The following ABLIM2 variants were observed in gnomAD, a reference collection of about 807,000 sequenced individuals.
The protein encoded by ABLIM2 is actin binding LIM protein family member 2, also known as actin-binding LIM protein 2.
ABLIM2 carries 53 observed loss-of-function variants against 97.7 expected under a neutral mutation model. The ratio of observed to expected loss-of-function variants is 0.54; its 90% CI spans 0.44 to 0.68. ABLIM2 has a LOEUF of 0.68. Ranked by LOEUF, ABLIM2 falls within the 30% of genes least tolerant of loss-of-function variation. ABLIM2 has a pLI of 0.00. For synonymous variants in ABLIM2, 361 were observed against 345.8 expected, an observed-to-expected ratio of 1.04 and a Z score of -0.49; for missense variants, 835 against 867.2, an observed-to-expected ratio of 0.96 and a Z score of 0.47.
chr4:8,045,851 T>C (rs1164044031), intron 8 of ABLIM2, among the ~76,000 whole-genome samples: 2 of 152,106 alleles, frequency 1.3e-5, no homozygotes, highest in East Asian at 1.9e-4. Context: ...ACCGGGATTA[T>C]GGGGACTCGC....
chr4:8,032,620 C>T lies in ABLIM2; in HGVS notation c.1048-2844G>A, dbSNP rs372674990. 1.4e-5 allele frequency: 23 copies of T among 1,612,016 alleles called. No individual in the cohort carries two copies. Among genetic ancestry groups the T allele is most frequent in the African/African-American group, 4.0e-5 (3 of 74,850 alleles). ...ACCCAGGCAGCAGCGCCACGGCAAG[C>T]GGGGACAGGCGAGAGGGTGGTGGTT... On this transcript the variant is annotated intron_variant, in intron 10 of 20. Transcript: ENST00000447017. The surrounding 1 kb of genome is among the most constrained non-coding windows in gnomAD (Gnocchi z 4.3).
Position 8,083,534 on chromosome 4 carries a change from G to A in ABLIM2, c.455-2732C>T, listed in dbSNP as rs551583987. 6.6e-6 allele frequency among the ~76,000 whole-genome samples: 1 copy of A among 152,194 alleles called. No homozygotes were observed. The highest frequency in any genetic ancestry group is 1.5e-5 in the Non-Finnish European group (1 of 68,024). On this transcript the variant is annotated intron_variant, in intron 4 of 20. Transcript: ENST00000447017. The surrounding 1 kb of genome is among the most constrained non-coding windows in gnomAD (Gnocchi z 4.6). Reference sequence around the variant, plus strand: ...GAGCTCCAAACTGCAGAGGGGATGTGAACCTCACACCTGCCTCGGCCCCCT... The same window carrying A: ...GAGCTCCAAACTGCAGAGGGGATGTAAACCTCACACCTGCCTCGGCCCCCT...
Position 8,005,334 on chromosome 4 carries a change from T to C in ABLIM2, c.1618+2725A>G. The C allele has an allele frequency of 1.9e-6, 1 of 533,378 alleles. No homozygotes were observed. Among genetic ancestry groups the C allele is most frequent in the Non-Finnish European group, 3.8e-6 (1 of 260,034 alleles). 33.0% of individuals were successfully genotyped at this position (533,378 alleles called of 1,614,324 possible). ...GGGTGCTCAATAAATACCCGTTGAATGTAACGCATTTCAATTCAACAGACA... is the reference window on the plus strand; with the variant it reads ...GGGTGCTCAATAAATACCCGTTGAACGTAACGCATTTCAATTCAACAGACA... On this transcript the variant is annotated intron_variant, in intron 16 of 20. Transcript: ENST00000447017. This position sits in a 1 kb window ranked among gnomAD's most constrained non-coding sequence, Gnocchi z 4.9.
At chr4:8,012,529 T>TCCAC (rs1201765511) in intron 14 of ABLIM2, among the ~76,000 whole-genome samples, 30 of 132,848 alleles carry the variant, frequency 2.3e-4, no homozygotes, top group Non-Finnish European at 4.4e-4. Context: ...CATCCACCCA[T>TCCAC]CTATTAATCC....
At chr4:7,968,860 G>T (rs190144732) in intron 20 of ABLIM2, among the ~76,000 whole-genome samples, 2 of 152,322 alleles carry the variant, frequency 1.3e-5, no homozygotes, top group East Asian at 1.9e-4. Context: ...GTTAAAATGG[G>T]CCGGGGGTGG....
In ABLIM2 at chr4:7,967,115, A is replaced by T; in HGVS notation, c.1825-12T>A. 1 of 1,610,566 alleles carries T rather than the reference A, an allele frequency of 6.2e-7. No individual in the cohort carries two copies. The stretch of plus-strand genomic sequence containing the variant: ...GGCGACAAGTGTCTCTTCAAACAAA[A>T]AGGCAAAACAGAAGGGACCAGTTAG... On this transcript the variant is annotated splice_polypyrimidine_tract_variant and intron_variant, in intron 20 of 20. Coordinates refer to ENST00000447017, the MANE Select transcript of ABLIM2 (RefSeq NM_001130083.2).
intron 2 of ABLIM2, among the ~76,000 whole-genome samples, chr4:8,103,925 A>G (rs1835924738): frequency 6.6e-6 from 1 of 152,258 alleles, no homozygotes; most frequent in Non-Finnish European, 1.5e-5. Context: ...GCTTTTAAAA[A>G]GAGGCATCTA....
rs200495159 is a variant in ABLIM2 at position 8,032,200 on chromosome 4, GAAAA to G, written c.1048-2428_1048-2425del. 2.2e-5 allele frequency among the ~76,000 whole-genome samples: 3 copies of G among 139,480 alleles called. No individual in the cohort carries two copies. Among genetic ancestry groups the G allele is most frequent in the Admixed American group, 7.0e-5 (1 of 14,370 alleles). The allele number at this position is 139,480 out of a possible 152,430, so 91.5% of individuals were successfully genotyped here. ...TGTCACTGATTAATTTTGAGAAACA[GAAAA>G]AAAAAAAAAAAACTAGACCACTAAC... On this transcript the variant is annotated intron_variant, in intron 10 of 20. Transcript: ENST00000447017. The surrounding 1 kb of genome is among the most constrained non-coding windows in gnomAD (Gnocchi z 4.3).
At chr4:8,074,280 C>T (rs754976063) in intron 6 of ABLIM2, among the ~76,000 whole-genome samples, 9 of 151,934 alleles carry the variant, frequency 5.9e-5, no homozygotes, top group Non-Finnish European at 1.0e-4. Context: ...ACAGCAAGAT[C>T]CCTGTCTCTA....
rs1029006887 is a variant in ABLIM2 at position 8,112,460 on chromosome 4, T to C, written c.11-5823A>G. Among the ~76,000 whole-genome samples the C allele has an allele frequency of 6.6e-6, 1 of 152,218 alleles. No homozygotes were observed. Among genetic ancestry groups the C allele is most frequent in the Non-Finnish European group, 1.5e-5 (1 of 68,030 alleles). On this transcript the variant is annotated intron_variant, in intron 1 of 20. Transcript: ENST00000447017. This position sits in a 1 kb window ranked among gnomAD's most constrained non-coding sequence, Gnocchi z 4.2. ...ACGTGCAAGGTCTGACAGGTGGCCG[T>C]GAACAGTAGCTGTTAGCTGAATCCT...
At chr4:8,059,923 AAAAAC>A (rs1187939108) in intron 7 of ABLIM2, among the ~76,000 whole-genome samples, 4 of 100,760 alleles carry the variant, frequency 4.0e-5, no homozygotes, top group African/African-American at 1.3e-4. Flanking sequence ...AAAAAAAAAA[AAAAAC>A]CCCAAAAAAC....
intron 20 of ABLIM2, among the ~76,000 whole-genome samples, chr4:7,971,524 G>A (rs1728028048): frequency 1.3e-5 from 2 of 152,198 alleles, no homozygotes; most frequent in African/African-American, 4.8e-5. Flanking sequence ...GAGAGGTTGT[G>A]TGACTTGCCC....
intron 4 of ABLIM2, among the ~76,000 whole-genome samples, chr4:8,084,304 G>A (rs1371988267): frequency 6.6e-6 from 1 of 152,150 alleles, no homozygotes; most frequent in Non-Finnish European, 1.5e-5. Context: ...GAGGATCCTG[G>A]GTTTACCTCC....
intron 10 of ABLIM2, among the ~76,000 whole-genome samples, chr4:8,031,500 C>T (rs1209432505): frequency 6.6e-6 from 1 of 152,212 alleles, no homozygotes; most frequent in Non-Finnish European, 1.5e-5. Flanking sequence ...GGTACCATGG[C>T]CGTCACAGCT....
chr4:7,977,735 G>A (rs1465826379), intron 20 of ABLIM2, among the ~76,000 whole-genome samples: 1 of 151,856 alleles, frequency 6.6e-6, no homozygotes, highest in Non-Finnish European at 1.5e-5. Flanking sequence ...AGGCTGCAGT[G>A]AGCTGAGATT....
In ABLIM2 at chr4:8,120,187, C is replaced by T. The variant is rs779834552; in HGVS notation, c.11-13550G>A. On this transcript the variant is annotated intron_variant, in intron 1 of 20. Transcript: ENST00000447017. This position sits in a 1 kb window ranked among gnomAD's most constrained non-coding sequence, Gnocchi z 5.6. ...GCTGCCCCTTCCTCCCAGAAGAGGA[C>T]GTGGCAGGAAGCAAGAGCGGTGCCA... is the stretch of plus-strand genomic sequence containing the variant. Among the ~76,000 whole-genome samples, 7 of 152,070 alleles carry T rather than the reference C, an allele frequency of 4.6e-5. No homozygotes were observed. Among genetic ancestry groups the T allele is most frequent in the African/African-American group, 1.2e-4 (5 of 41,408 alleles).
At position 8,061,127 on chromosome 4, in the gene ABLIM2, G is replaced by GCTGTATCCAT; in HGVS notation, c.676-74_676-73insATGGATACAG. On this transcript the variant is annotated intron_variant, in intron 6 of 20. Transcript: ENST00000447017. This position sits in a 1 kb window ranked among gnomAD's most constrained non-coding sequence, Gnocchi z 4.5. ...TCGGCTGGGTCCCAGCGCCCGGCAT[G>GCTGTATCCAT]GATACAGCATGCCCTGAGCACAGGT... 7.6e-7 allele frequency: 1 copy of GCTGTATCCAT among 1,316,414 alleles called. No individual in the cohort carries two copies. The highest frequency in any genetic ancestry group is 1.1e-6 in the Non-Finnish European group (1 of 937,874). 81.5% of individuals were successfully genotyped at this position (1,316,414 alleles called of 1,614,324 possible). A position where few individuals can be genotyped will look rare whatever the true frequency, so the allele number is the denominator to read the frequency against.
rs1727118001 is a variant in ABLIM2, at chr4:7,970,630, G to A, written c.1825-3527C>T. 2.0e-5 allele frequency among the ~76,000 whole-genome samples: 3 copies of A among 152,064 alleles called. No homozygotes were observed. Among genetic ancestry groups the A allele is most frequent in the Admixed American group, 2.0e-4 (3 of 15,262 alleles). On this transcript the variant is annotated intron_variant, in intron 20 of 20. Coordinates refer to ENST00000447017, the MANE Select transcript of ABLIM2 (RefSeq NM_001130083.2). This position sits in a 1 kb window ranked among gnomAD's most constrained non-coding sequence, Gnocchi z 5.3. ...AGCTGGCGGGCAAGCAGGAAGGCTG[G>A]CAGGGTGTTGGGAGGTGGGTGTGGG...
At chr4:7,978,923 G>A (rs1048507780) in intron 20 of ABLIM2, among the ~76,000 whole-genome samples, 1 of 152,204 alleles carries the variant, frequency 6.6e-6, no homozygotes, top group East Asian at 1.9e-4. Flanking sequence ...TTGAGGATGA[G>A]ACGGCAGGGG....
Sources: allele counts gnomAD v4.1 joint callset (sites outside exome capture counted in the v4.1 genomes callset), GRCh38; gene constraint gnomAD v4.1.1; non-coding constraint Gnocchi (gnomAD v3.1); transcripts MANE v1.5; gene names NCBI Gene and HGNC (gene_info 2026-07-23, HGNC 2026-07-21).